Variants in NPAS3 observed in about 807,000 individuals in gnomAD.
NPAS3 encodes neuronal PAS domain-containing protein 3.
NPAS3 carries 14 observed loss-of-function variants against 73.1 expected under a neutral mutation model. The ratio of observed to expected loss-of-function variants is 0.19; its 90% CI spans 0.13 to 0.30. NPAS3 has a LOEUF of 0.30. Ranked by LOEUF, NPAS3 falls within the 10% of genes least tolerant of loss-of-function variation. NPAS3 has a pLI of 1.00. For missense variants in NPAS3, 1,096 were observed against 1,250.0 expected (o/e 0.88, Z 1.86); for synonymous variants, 620 against 541.5 (o/e 1.14, Z -2.01).
rs200851371 is a variant in NPAS3, at chr14:33,158,631, T to TAAG, written c.141-56549_141-56547dup. 7.7e-4 allele frequency among the ~76,000 whole-genome samples: 117 copies of TAAG among 152,186 alleles called. No individual in the cohort carries two copies. The East Asian group carries it at 0.022, about 28-fold the overall frequency. On this transcript the variant is annotated intron_variant, in intron 2 of 11. Transcript: ENST00000356141. ...AGGGTGTTCATGGAAGGGCTGAAGATAAGACAGCAGAGGTTAAATTATGAG... is the reference window on the plus strand; with the variant it reads ...AGGGTGTTCATGGAAGGGCTGAAGATAAGAAGACAGCAGAGGTTAAATTATGAG...
In NPAS3 at chr14:33,004,262, G is replaced by A. The variant is rs74591474; in HGVS notation, c.51-51643G>A. Among the ~76,000 whole-genome samples the A allele has an allele frequency of 3.2e-3, 492 of 152,218 alleles. 4 individuals carry two copies. The highest frequency in any genetic ancestry group is 0.011 in the African/African-American group (469 of 41,544). ...CCTTTGTCATTGTGCAAACGTCATA[G>A]AGTACATTTACACAAACCTAGATGA... On this transcript the variant is annotated intron_variant, in intron 1 of 11. Coordinates refer to ENST00000356141, the Ensembl canonical transcript of NPAS3.
chr14:33,751,786 T>C (rs1170420930), intron 7 of NPAS3, among the ~76,000 whole-genome samples: 1 of 152,206 alleles, frequency 6.6e-6, no homozygotes, highest in Non-Finnish European at 1.5e-5. Context: ...ATAGCAACCT[T>C]TGTAAACAGT....
intron 2 of NPAS3, among the ~76,000 whole-genome samples, chr14:33,140,866 T>C (rs1595534747): frequency 6.6e-6 from 1 of 152,278 alleles, no homozygotes; most frequent in African/African-American, 2.4e-5. Context: ...AATGATGGAA[T>C]TAAGAAAGCC....
intron 1 of NPAS3, among the ~76,000 whole-genome samples, chr14:33,047,403 G>T (rs1179008824): frequency 6.6e-6 from 1 of 152,146 alleles, no homozygotes; most frequent in Non-Finnish European, 1.5e-5. Flanking sequence ...GAGCTGTAAA[G>T]AGATCAGATG....
intron 10 of NPAS3, among the ~76,000 whole-genome samples, chr14:33,794,610 ATTTTTT>A (rs5807747): frequency 2.8e-5 from 4 of 143,310 alleles, no homozygotes; most frequent in Admixed American, 6.9e-5. Context: ...AATGAAGGCA[ATTTTTT>A]TTTTTTTTTG....
At chr14:33,302,494 G>C (rs2042592620) in intron 3 of NPAS3, among the ~76,000 whole-genome samples, 1 of 152,220 alleles carries the variant, frequency 6.6e-6, no homozygotes, top group Admixed American at 6.5e-5. Context: ...ATCATTATTA[G>C]TCTATGCATC....
intron 4 of NPAS3, among the ~76,000 whole-genome samples, chr14:33,423,006 A>G (rs1055092796): frequency 6.6e-6 from 1 of 151,996 alleles, no homozygotes; most frequent in Non-Finnish European, 1.5e-5. Context: ...ACCCAGCAAT[A>G]AACATACTTG....
chr14:33,741,751 T>G (rs985220080), intron 7 of NPAS3, among the ~76,000 whole-genome samples: 9 of 152,158 alleles, frequency 5.9e-5, no homozygotes, highest in African/African-American at 2.2e-4. Flanking sequence ...ATTCTAAGTA[T>G]GTCAGTGACT....
Position 33,706,133 on chromosome 14 carries a change from G to C in NPAS3, c.734-29081G>C, listed in dbSNP as rs943271458. Among the ~76,000 whole-genome samples, 6 of 152,150 alleles carry C rather than the reference G, an allele frequency of 3.9e-5. No homozygotes were observed. The East Asian group carries it at 1.2e-3, about 29-fold the overall frequency. On this transcript the variant is annotated intron_variant, in intron 6 of 11. Transcript: ENST00000356141. ...TTGGGAGAGCCATCAGTACATAAAA[G>C]CTTCCCTCTCCTTTTATTCCTCTCA... is the stretch of plus-strand genomic sequence containing the variant.
chr14:33,200,854 T>A (rs1384322429), intron 2 of NPAS3, among the ~76,000 whole-genome samples: 1 of 152,220 alleles, frequency 6.6e-6, no homozygotes, highest in Non-Finnish European at 1.5e-5. Flanking sequence ...AGCAGTGAGA[T>A]CCAGTTTCCA....
intron 4 of NPAS3, among the ~76,000 whole-genome samples, chr14:33,486,248 G>A (rs1297010214): frequency 2.0e-5 from 3 of 151,794 alleles, no homozygotes; most frequent in African/African-American, 7.3e-5. Context: ...GCGGCCAATT[G>A]TGATAACATT....
intron 4 of NPAS3, among the ~76,000 whole-genome samples, chr14:33,392,058 G>A (rs1724335550): frequency 6.6e-6 from 1 of 152,102 alleles, no homozygotes; most frequent in South Asian, 2.1e-4. Flanking sequence ...GGGTTAAAAT[G>A]ACTAAAATTT....
chr14:33,642,598 T>C (rs2140188957), intron 5 of NPAS3, among the ~76,000 whole-genome samples: 1 of 152,264 alleles, frequency 6.6e-6, no homozygotes, highest in East Asian at 1.9e-4. Flanking sequence ...CAGTGTAGGG[T>C]CCTATTTAAT....
At chr14:33,234,938 G>A (rs985329499) in intron 3 of NPAS3, among the ~76,000 whole-genome samples, 6 of 151,968 alleles carry the variant, frequency 3.9e-5, no homozygotes, top group African/African-American at 1.2e-4. Context: ...CGGTATTGTA[G>A]CTATGTCTGT....
At chr14:33,465,339 G>T (rs1468163496) in intron 4 of NPAS3, among the ~76,000 whole-genome samples, 1 of 152,130 alleles carries the variant, frequency 6.6e-6, no homozygotes, top group Non-Finnish European at 1.5e-5. Flanking sequence ...AGCTTAAGAC[G>T]TTAAATGCCT....
At chr14:33,625,797 G>A (rs749215410) in intron 5 of NPAS3, among the ~76,000 whole-genome samples, 96 of 152,144 alleles carry the variant, frequency 6.3e-4, no homozygotes, top group Non-Finnish European at 1.2e-3. Flanking sequence ...ATAACATTTG[G>A]GTATAAAGAA....
chr14:33,136,732 G>C (rs2043854359), intron 2 of NPAS3, among the ~76,000 whole-genome samples: 1 of 152,204 alleles, frequency 6.6e-6, no homozygotes, highest in African/African-American at 2.4e-5. Flanking sequence ...GTGGGTACTT[G>C]AAAGATTTAG....
intron 4 of NPAS3, among the ~76,000 whole-genome samples, chr14:33,465,855 C>G (rs1566927766): frequency 6.6e-6 from 1 of 151,732 alleles, no homozygotes; most frequent in Non-Finnish European, 1.5e-5. Context: ...GTTTAGCCAC[C>G]TCAAATCATT....
intron 4 of NPAS3, among the ~76,000 whole-genome samples, chr14:33,374,511 T>C (rs1416767583): frequency 2.6e-5 from 4 of 152,088 alleles, no homozygotes; most frequent in African/African-American, 7.2e-5. Context: ...ATCAGGTTGA[T>C]GTAATAAAGA....
Sources: gnomAD v4.1 joint callset for allele counts (sites outside exome capture counted in the v4.1 genomes callset) on GRCh38, gnomAD v4.1.1 for gene constraint, MANE v1.5 for transcripts, NCBI Gene and HGNC (gene_info 2026-07-23, HGNC 2026-07-21) for gene names.